Variants in MICALL1 observed in about 807,000 individuals in gnomAD.
The protein encoded by MICALL1 is MICAL-like protein 1.
A neutral mutation model predicts 83.7 loss-of-function variants in MICALL1; 61 were observed. That is an observed-to-expected ratio of 0.73 (90% CI 0.59 to 0.90). The LOEUF is 0.90. Ranked by LOEUF, MICALL1 falls within the 40% of genes least tolerant of loss-of-function variation. The probability of loss-of-function intolerance (pLI) is 0.00; values close to 1 mark genes in which losing one functional copy is unlikely to be tolerated. For synonymous variants in MICALL1, 481 were observed against 473.6 expected, an observed-to-expected ratio of 1.02 and a Z score of -0.20; for missense variants, 1,066 against 1,152.0, an observed-to-expected ratio of 0.93 and a Z score of 1.08.
At position 37,930,242 on chromosome 22, in the gene MICALL1, C is replaced by A. The variant is rs570843208; in HGVS notation, c.1882-1557C>A. Among the ~76,000 whole-genome samples, 113 of 152,226 alleles carry A rather than the reference C, an allele frequency of 7.4e-4. No individual in the cohort carries two copies. The highest frequency in any genetic ancestry group is 3.4e-3 in the Middle Eastern group (1 of 294). Reference sequence around the variant, plus strand: ...CTCTGGGTGTGTTAGAGGGAGGGGGCAGAACCCCGGGTGCACTTGCTTGTG... The same window carrying A: ...CTCTGGGTGTGTTAGAGGGAGGGGGAAGAACCCCGGGTGCACTTGCTTGTG... On this transcript the variant is annotated intron_variant, in intron 9 of 15. Coordinates refer to ENST00000215957, the MANE Select transcript of MICALL1 (RefSeq NM_033386.4). This position sits in a 1 kb window ranked among gnomAD's most constrained non-coding sequence, Gnocchi z 4.8.
chr22:37,909,498 A>G lies in MICALL1; in HGVS notation c.147-2454A>G, dbSNP rs1022706363. Among the ~76,000 whole-genome samples, 7 of 151,956 alleles carry G rather than the reference A, an allele frequency of 4.6e-5. No homozygotes were observed. In the East Asian group the frequency reaches 9.6e-4, roughly 21 times the overall value. On this transcript the variant is annotated intron_variant, in intron 1 of 15. Transcript: ENST00000215957. ...CTTAGCCTCCCGAGTAGCTGGGACTACAGGTGCCCGCCACCATGCCTGGCT... is the reference window on the plus strand; with the variant it reads ...CTTAGCCTCCCGAGTAGCTGGGACTGCAGGTGCCCGCCACCATGCCTGGCT...
At chr22:37,933,281 G>A (rs1929902545) in intron 13 of MICALL1, among the ~76,000 whole-genome samples, 169 bp downstream of exon 13, 1 of 152,166 alleles carries the variant, frequency 6.6e-6, no homozygotes, top group African/African-American at 2.4e-5. Context: ...AAGGATGGGA[G>A]AGACTGTAAC....
chr22:37,918,937 G>A, intron 4 of MICALL1, 99 bp from the exon 5 acceptor site: 3 of 1,378,570 alleles, frequency 2.2e-6, no homozygotes, highest in Non-Finnish European at 2.9e-6. Flanking sequence ...GCACACTTGA[G>A]TGACGGTGGC....
Position 37,927,641 on chromosome 22 carries a change from C to G in MICALL1, c.1696C>G (p.Leu566Val). 1 of 1,614,176 alleles carries G rather than the reference C, an allele frequency of 6.2e-7. No individual in the cohort carries two copies. The highest frequency in any genetic ancestry group is 8.5e-7 in the Non-Finnish European group (1 of 1,180,024). Residue 566 changes from leucine (L) to valine (V), a missense_variant, in exon 9 of 16, where the codon CTA becomes GTA. Transcript: ENST00000215957. Reference protein sequence around the residue: ...TNSSLASSGELVEPRVEQMPQ... With the variant: ...TNSSLASSGEVVEPRVEQMPQ... Reference sequence around the variant, plus strand: ...CTCCTCCCTGGCCTCCTCTGGGGAACTAGTGGAGCCTAGAGTGGAACAAAT... The same window carrying G: ...CTCCTCCCTGGCCTCCTCTGGGGAAGTAGTGGAGCCTAGAGTGGAACAAAT...
chr22:37,931,985 A>C lies in MICALL1; in HGVS notation c.2016+52A>C, dbSNP rs1032108328. 3.2e-6 allele frequency: 5 copies of C among 1,586,850 alleles called. No homozygotes were observed. The African/African-American group carries it at 4.1e-5, about 13-fold the overall frequency. ...AGGCTGGCCTGGGCTGGCAACCCCC[A>C]CTCTGCAGCTGCAGTCTTCCCCTGG... is the stretch of plus-strand genomic sequence containing the variant. On this transcript the variant is annotated intron_variant, in intron 10 of 15. Coordinates refer to ENST00000215957, the MANE Select transcript of MICALL1 (RefSeq NM_033386.4).
intron 1 of MICALL1, among the ~76,000 whole-genome samples, chr22:37,911,052 G>A (rs1006080554): frequency 6.6e-6 from 1 of 152,198 alleles, no homozygotes; most frequent in African/African-American, 2.4e-5. Context: ...AGACTGAGCT[G>A]TCTCTGCTGG....
In MICALL1 at chr22:37,937,761, CAA is replaced by C; in HGVS notation, c.2440_2441del (p.Lys814AspfsTer16). 6.2e-7 allele frequency: 1 copy of C among 1,613,480 alleles called. No homozygotes were observed. Among genetic ancestry groups the C allele is most frequent in the Non-Finnish European group, 8.5e-7 (1 of 1,179,668 alleles). ...CTTATTTCAGGGAGGAAGAGGAAGA[CAA>C]GATGTTGGAAGCCATGATCAAGAAG... ...EDRQREEEED[K>X]MLEAMIKKKE... On this transcript the variant is annotated frameshift_variant, in exon 15 of 16. Transcript: ENST00000215957. LOFTEE classifies it high-confidence loss of function.
chr22:37,932,704 G>C lies in MICALL1; in HGVS notation c.2143+25G>C. On this transcript the variant is annotated intron_variant, in intron 11 of 15. Coordinates refer to ENST00000215957, the MANE Select transcript of MICALL1 (RefSeq NM_033386.4). The surrounding 1 kb of genome is among the most constrained non-coding windows in gnomAD (Gnocchi z 4.4). ...GGTGCGGGAGCGGCTGGGAGGGCCT[G>C]CTGGGTGGGGCTGGGGGCAGGAGCC... The C allele has an allele frequency of 1.9e-6, 3 of 1,611,790 alleles. No homozygotes were observed. The highest frequency in any genetic ancestry group is 2.5e-6 in the Non-Finnish European group (3 of 1,179,232).
rs571340987 is a variant in MICALL1, at chr22:37,925,998, A to C, written c.1420A>C (p.Thr474Pro). 1 of 1,613,288 alleles carries C rather than the reference A, an allele frequency of 6.2e-7. No individual in the cohort carries two copies. The highest frequency in any genetic ancestry group is 1.3e-5 in the African/African-American group (1 of 74,988). ...YGITPTSSPK[T>P]KKRPAPRAPS... The stretch of plus-strand genomic sequence containing the variant: ...CATCACCCCTACCAGCAGCCCCAAG[A>C]CAAAGAAGCGCCCTGCCCCGCGCGC... The change falls in exon 8 of 16, where the codon ACA becomes CCA. Residue 474 changes from threonine to proline, a missense_variant. Thr to Pro is a conservative substitution (Grantham distance 38, BLOSUM62 -1). Coordinates refer to ENST00000215957, the MANE Select transcript of MICALL1 (RefSeq NM_033386.4).
At chr22:37,914,408 G>A (rs1928538913) in intron 3 of MICALL1, among the ~76,000 whole-genome samples, 1 of 150,434 alleles carries the variant, frequency 6.6e-6, no homozygotes, top group Non-Finnish European at 1.5e-5. Context: ...TGTAGTTTTA[G>A]TAGAGACGGG....
Position 37,917,796 on chromosome 22 carries a change from G to A in MICALL1, c.426+1G>A. 6.2e-7 allele frequency: 1 copy of A among 1,613,624 alleles called. No homozygotes were observed. The highest frequency in any genetic ancestry group is 8.5e-7 in the Non-Finnish European group (1 of 1,179,688). ...AGTGGAACCAGAAGATGTGGCTCAG[G>A]TAGGCAGATACCTGGAGAGGTGGGA... On this transcript the variant is annotated splice_donor_variant, in intron 4 of 15. Transcript: ENST00000215957. LOFTEE classifies it high-confidence loss of function.
rs1929739789 is a variant in MICALL1 at position 37,930,642 on chromosome 22, G to A, written c.1882-1157G>A. On this transcript the variant is annotated intron_variant, in intron 9 of 15. Transcript: ENST00000215957. This position sits in a 1 kb window ranked among gnomAD's most constrained non-coding sequence, Gnocchi z 4.8. ...GAAATAGTGACATTGCCCGTGTGGT[G>A]GGCAGGGCCTTGCCGTGCCCTGGCA... 6.6e-6 allele frequency among the ~76,000 whole-genome samples: 1 copy of A among 152,214 alleles called. No homozygotes were observed.
At chr22:37,922,796 G>T (rs28397747) in intron 6 of MICALL1, among the ~76,000 whole-genome samples, 3,465 of 69,186 alleles carry the variant, frequency 0.05, 274 homozygotes, top group African/African-American at 0.17. Context: ...GTTTTTTTTT[G>T]TTTTTTTTTT....
rs994580866 is a variant in MICALL1, at chr22:37,924,350, TC to T, written c.1025-308del. Among the ~76,000 whole-genome samples, 62 of 152,150 alleles carry T rather than the reference TC, an allele frequency of 4.1e-4. No homozygotes were observed. The highest frequency in any genetic ancestry group is 1.5e-3 in the African/African-American group (62 of 41,436). The stretch of plus-strand genomic sequence containing the variant: ...AGAGGACACTTGGGAGTCCAGGACT[TC>T]CAGGAGGAGGTGGCTCCCAGGCTGA... On this transcript the variant is annotated intron_variant, in intron 6 of 15. Transcript: ENST00000215957. The surrounding 1 kb of genome is among the most constrained non-coding windows in gnomAD (Gnocchi z 5.2).
rs367774357 is a variant in MICALL1 at position 37,925,982 on chromosome 22, T to C, written c.1404T>C (p.Pro468=). ...TGCACCCCTGGTACGGCATCACCCCTACCAGCAGCCCCAAGACAAAGAAGC... is the reference window on the plus strand; with the variant it reads ...TGCACCCCTGGTACGGCATCACCCCCACCAGCAGCCCCAAGACAAAGAAGC... ...KSLHPWYGIT[P]TSSPKTKKRP... The change falls in exon 8 of 16, where the codon CCT becomes CCC. Residue 468 remains proline (P), a synonymous_variant. Coordinates refer to ENST00000215957, the MANE Select transcript of MICALL1 (RefSeq NM_033386.4). 2 of 1,613,674 alleles carry C rather than the reference T, an allele frequency of 1.2e-6. No homozygotes were observed. Among genetic ancestry groups the C allele is most frequent in the Non-Finnish European group, 1.7e-6 (2 of 1,179,936 alleles).
intron 6 of MICALL1, among the ~76,000 whole-genome samples, 175 bp downstream of exon 6, chr22:37,922,601 AT>A (rs1198282750): frequency 0.011 from 362 of 31,626 alleles, no homozygotes; most frequent in African/African-American, 0.018. Context: ...ATATATATAT[AT>A]TTTTTTTTTT....
intron 6 of MICALL1, among the ~76,000 whole-genome samples, chr22:37,923,505 G>A (rs1303715729): frequency 6.6e-6 from 1 of 152,190 alleles, no homozygotes; most frequent in African/African-American, 2.4e-5. Flanking sequence ...TGGGATTAAG[G>A]CCTGAGCCAC....
chr22:37,917,602 G>T, intron 3 of MICALL1, 105 bp from the exon 4 acceptor site: 1 of 1,006,018 alleles, frequency 9.9e-7, no homozygotes, highest in Non-Finnish European at 1.5e-6. Context: ...TAGGTGGTCT[G>T]CCTTTAGGTG....
intron 8 of MICALL1, 73 bp downstream of exon 8, chr22:37,926,116 G>T: frequency 6.7e-7 from 1 of 1,484,776 alleles, no homozygotes; most frequent in Non-Finnish European, 9.0e-7. Context: ...GAGGGGGTGT[G>T]GTGGGGCAGA....
Sources: allele counts gnomAD v4.1 joint callset (sites outside exome capture counted in the v4.1 genomes callset), GRCh38; gene constraint gnomAD v4.1.1; non-coding constraint Gnocchi (gnomAD v3.1); transcripts MANE v1.5; gene names NCBI Gene and HGNC (gene_info 2026-07-23, HGNC 2026-07-21).